The following PLEKHG2 variants were observed in gnomAD, a reference collection of about 807,000 sequenced individuals.
PLEKHG2 encodes pleckstrin homology and RhoGEF domain containing G2.
Under a neutral mutation model 104.4 loss-of-function variants are expected in PLEKHG2, and 71 were observed. The observed-to-expected ratio is 0.68, with a 90% confidence interval of 0.56 to 0.83. The LOEUF (loss-of-function observed/expected upper bound fraction) is 0.83. PLEKHG2 is among the 40% of genes least tolerant of loss of function. The probability of loss-of-function intolerance (pLI) is 0.00; values close to 1 mark genes in which losing one functional copy is unlikely to be tolerated. For synonymous variants in PLEKHG2, 728 were observed against 737.0 expected (o/e 0.99, Z 0.20); for missense variants, 1,730 against 1,809.4 (o/e 0.96, Z 0.80).
chr19:39,415,396 G>A lies in PLEKHG2; in HGVS notation c.436G>A (p.Gly146Ser). 3 of 1,614,152 alleles carry A rather than the reference G, an allele frequency of 1.9e-6. No individual in the cohort carries two copies. Among genetic ancestry groups the A allele is most frequent in the Non-Finnish European group, 2.5e-6 (3 of 1,180,020 alleles). Residue 146 changes from glycine (G) to serine (S), a missense_variant, in exon 4 of 19, where the codon GGC (glycine) becomes AGC (serine). Physicochemically the swap from Gly to Ser is moderately conservative, Grantham distance 56 (BLOSUM62 0). Transcript: ENST00000425673. This position sits in a 1 kb window ranked among gnomAD's most constrained non-coding sequence, Gnocchi z 4.6. ...GVLGLSVEQV[G>S]TLFANIEDIY... ...CCTGGGGCTGAGCGTGGAGCAGGTG[G>A]GCACGCTGTTTGCCAACATTGAGGA...
In PLEKHG2 at chr19:39,416,420, T is replaced by C. The variant is rs765580198; in HGVS notation, c.546+6T>C. 6 of 1,572,478 alleles carry C rather than the reference T, an allele frequency of 3.8e-6. No homozygotes were observed. Among genetic ancestry groups the C allele is most frequent in the Admixed American group, 1.8e-5 (1 of 56,772 alleles). ...CCGAGTGCTTCGTGCAGAGGGTGAG[T>C]GGAGGGGTGGGGGGCTCTCGGTCCT... is the stretch of plus-strand genomic sequence containing the variant. On this transcript the variant is annotated splice_donor_region_variant and intron_variant, in intron 5 of 18. Coordinates refer to ENST00000425673, the MANE Select transcript of PLEKHG2 (RefSeq NM_022835.3). The surrounding 1 kb of genome is among the most constrained non-coding windows in gnomAD (Gnocchi z 4.5).
At position 39,419,003 on chromosome 19, in the gene PLEKHG2, G is replaced by A; in HGVS notation, c.1263G>A (p.Lys421=). The change falls in exon 11 of 19, where the codon AAG becomes AAA. Residue 421 remains lysine, a splice_region_variant and synonymous_variant. Transcript: ENST00000425673. ...ACCACCCTGCCTCCATCCCTGCCAA[G>A]GTACAGCTCCTGCCGCAGCCGGGGG... The part of the protein sequence containing the change: ...FENHPASIPA[K]AKQVLLENSL... 1 of 1,609,152 alleles carries A rather than the reference G, an allele frequency of 6.2e-7. No individual in the cohort carries two copies. Among genetic ancestry groups the A allele is most frequent in the Non-Finnish European group, 8.5e-7 (1 of 1,178,818 alleles).
intron 17 of PLEKHG2, 127 bp from the exon 18 acceptor site, chr19:39,422,605 T>C (rs1364378630): frequency 8.3e-7 from 1 of 1,211,144 alleles, no homozygotes; most frequent in East Asian, 2.7e-5. Flanking sequence ...GCCAGGCTGG[T>C]CTCGAACTCG....
At position 39,423,037 on chromosome 19, in the gene PLEKHG2, C is replaced by T; in HGVS notation, c.1983C>T (p.Asp661=). The T allele has an allele frequency of 6.2e-6, 10 of 1,614,198 alleles. No homozygotes were observed. The highest frequency in any genetic ancestry group is 8.5e-6 in the Non-Finnish European group (10 of 1,180,022). ...GTTCTCGCCTTCCTAGTCTCTCTGA[C>T]ATTTCCGATGTTTTTGAGATGCCCT... ...PEGSRLPSLS[D]ISDVFEMPCL... Residue 661 remains aspartate (D), a synonymous_variant, in exon 18 of 19, where the codon GAC becomes GAT. Transcript: ENST00000425673.
chr19:39,422,675 C>T, intron 17 of PLEKHG2, 57 bp from the exon 18 acceptor site: 2 of 1,493,034 alleles, frequency 1.3e-6, no homozygotes, highest in South Asian at 2.9e-5. Flanking sequence ...AGGCGTGAGC[C>T]ACCACACCCA....
Position 39,428,318 on chromosome 19 carries a change from T to A in PLEKHG2, c.*3024T>A, listed in dbSNP as rs1568405492. 1 of 152,320 alleles carries A rather than the reference T, an allele frequency of 6.6e-6. No individual in the cohort carries two copies. The highest frequency in any genetic ancestry group is 1.5e-5 in the Non-Finnish European group (1 of 68,090). 9.4% of individuals were successfully genotyped at this position (152,320 alleles called of 1,614,324 possible). The stretch of plus-strand genomic sequence containing the variant: ...CCTTGCCCGCATGAGGCTTGTGGCC[T>A]GGTACTGTGCACACCTCAGGGGATT... On this transcript the variant is annotated 3_prime_UTR_variant, in exon 19 of 19. Transcript: ENST00000425673.
chr19:39,417,473 T>C (rs1305947383), intron 7 of PLEKHG2, 82 bp from the exon 8 acceptor site: 41 of 1,523,650 alleles, frequency 2.7e-5, no homozygotes, highest in Non-Finnish European at 3.6e-5. Flanking sequence ...TCTTTATATT[T>C]CTCCATCTCC....
chr19:39,425,912 G>C lies in PLEKHG2; in HGVS notation c.*618G>C, dbSNP rs2078776906. 1 of 152,718 alleles carries C rather than the reference G, an allele frequency of 6.5e-6. No individual in the cohort carries two copies. The highest frequency in any genetic ancestry group is 1.5e-5 in the Non-Finnish European group (1 of 68,518). 9.5% of individuals were successfully genotyped at this position (152,718 alleles called of 1,614,324 possible). A position where few individuals can be genotyped will look rare whatever the true frequency, so the allele number is the denominator to read the frequency against. On this transcript the variant is annotated 3_prime_UTR_variant, in exon 19 of 19. Coordinates refer to ENST00000425673, the MANE Select transcript of PLEKHG2 (RefSeq NM_022835.3). ...ATCTGCCTTGCTTATCCAACTGTCT[G>C]CCTTATTCACCCACCCATCCCTTTA...
rs2078651516 is a variant in PLEKHG2 at position 39,418,827 on chromosome 19, G to A, written c.1176+1G>A. 1 of 1,607,150 alleles carries A rather than the reference G, an allele frequency of 6.2e-7. No individual in the cohort carries two copies. The highest frequency in any genetic ancestry group is 8.5e-7 in the Non-Finnish European group (1 of 1,174,530). ...TCCCAAGCACAGACACCTGCTCCAG[G>A]TGAGCATGTAGTGGGATCAGGCTGG... On this transcript the variant is annotated splice_donor_variant, in intron 10 of 18. Transcript: ENST00000425673. LOFTEE classifies it high-confidence loss of function.
chr19:39,414,960 T>C (rs1435798581), intron 2 of PLEKHG2, 32 bp from the exon 3 acceptor site: 6 of 1,550,738 alleles, frequency 3.9e-6, no homozygotes, highest in Non-Finnish European at 5.2e-6. Flanking sequence ...CATGGGGAGA[T>C]TTCTCTGACC....
At position 39,414,165 on chromosome 19, in the gene PLEKHG2, G is replaced by T; in HGVS notation, c.79G>T (p.Asp27Tyr). The T allele has an allele frequency of 6.4e-7, 1 of 1,551,508 alleles. No individual in the cohort carries two copies. The highest frequency in any genetic ancestry group is 8.7e-7 in the Non-Finnish European group (1 of 1,146,878). Residue 27 changes from aspartate (D) to tyrosine (Y), a missense_variant, in exon 2 of 19, where the codon GAC becomes TAC. Coordinates refer to ENST00000425673, the MANE Select transcript of PLEKHG2 (RefSeq NM_022835.3). Reference protein sequence around the residue: ...LGCGRRGEVCDCGTVCETRTA... With the variant: ...LGCGRRGEVCYCGTVCETRTA... ...GTGTGGCCGAAGAGGTGAAGTGTGTGACTGTGGCACCGTGTGTGAGACTCG... is the reference window on the plus strand; with the variant it reads ...GTGTGGCCGAAGAGGTGAAGTGTGTTACTGTGGCACCGTGTGTGAGACTCG...
intron 2 of PLEKHG2, 37 bp downstream of exon 2, chr19:39,414,232 C>A (rs1185826146): frequency 6.5e-7 from 1 of 1,534,968 alleles, no homozygotes; most frequent in Non-Finnish European, 8.8e-7. Flanking sequence ...GCCTGTGGGG[C>A]TTTTATTCCT....
At position 39,424,477 on chromosome 19, in the gene PLEKHG2, A is replaced by G; in HGVS notation, c.3344A>G (p.His1115Arg). The G allele has an allele frequency of 3.1e-6, 5 of 1,614,044 alleles. No homozygotes were observed. The highest frequency in any genetic ancestry group is 4.2e-6 in the Non-Finnish European group (5 of 1,180,004). ...QIPGTSPLPA[H>R]GSHLDHRIPA... ...CCAGGTACCTCACCTTTGCCTGCACATGGAAGCCACCTGGACCATCGGATC... is the reference window on the plus strand; with the variant it reads ...CCAGGTACCTCACCTTTGCCTGCACGTGGAAGCCACCTGGACCATCGGATC... The change falls in exon 19 of 19, where the codon CAT becomes CGT. Residue 1115 changes from histidine (H) to arginine (R), a missense_variant. By Grantham distance (29) the His-to-Arg change is conservative. Transcript: ENST00000425673.
In PLEKHG2 at chr19:39,415,085, C is replaced by T. The variant is rs1253561246; in HGVS notation, c.203C>T (p.Pro68Leu). The change falls in exon 3 of 19, where the codon CCC becomes CTC. Residue 68 changes from proline to leucine, a missense_variant. Pro to Leu is a moderately conservative substitution (Grantham distance 98). Coordinates refer to ENST00000425673, the MANE Select transcript of PLEKHG2 (RefSeq NM_022835.3). This position sits in a 1 kb window ranked among gnomAD's most constrained non-coding sequence, Gnocchi z 4.6. Reference protein sequence around the residue: ...VGSEGDPAPGPTPACSASRPE... With the variant: ...VGSEGDPAPGLTPACSASRPE... ...TCTGAGGGGGATCCAGCCCCTGGGCCCACTCCAGCCTGCTCAGCCTCCAGG... is the reference window on the plus strand; with the variant it reads ...TCTGAGGGGGATCCAGCCCCTGGGCTCACTCCAGCCTGCTCAGCCTCCAGG... 1.3e-6 allele frequency: 2 copies of T among 1,591,906 alleles called. No individual in the cohort carries two copies. Among genetic ancestry groups the T allele is most frequent in the South Asian group, 1.1e-5 (1 of 87,948 alleles).
In PLEKHG2 at chr19:39,412,797, C is replaced by G. The variant is rs914957392; in HGVS notation, c.-638C>G. The G allele has an allele frequency of 6.6e-6, 1 of 152,196 alleles. No homozygotes were observed. The highest frequency in any genetic ancestry group is 2.4e-5 in the African/African-American group (1 of 41,446). The allele number at this position is 152,196 out of a possible 1,614,324, so 9.4% of individuals were successfully genotyped here. A position where few individuals can be genotyped will look rare whatever the true frequency, so the allele number is the denominator to read the frequency against. ...CTGAGAGACCCCGAGGTCCAGACCC[C>G]GGCGCCCAGGCTGGAGGACTTGAGC... is the stretch of plus-strand genomic sequence containing the variant. On this transcript the variant is annotated 5_prime_UTR_variant, in exon 1 of 19. Transcript: ENST00000425673.
At chr19:39,422,539 G>A (rs1462523165) in intron 17 of PLEKHG2, among the ~76,000 whole-genome samples, 193 bp from the exon 18 acceptor site, 2 of 151,742 alleles carry the variant, frequency 1.3e-5, no homozygotes, top group South Asian at 2.1e-4. Flanking sequence ...CAACACACCC[G>A]GCTAATTTTT....
chr19:39,422,261 G>T lies in PLEKHG2; in HGVS notation c.1650G>T (p.Leu550=). The change falls in exon 17 of 19, where the codon CTG becomes CTT. Residue 550 remains leucine (L), a synonymous_variant. Transcript: ENST00000425673. ...TCACTGAAGAAATCCTGGAACTGCT[G>T]AATCAGCGAGGCCTTCGAGATCCAG... is the stretch of plus-strand genomic sequence containing the variant. ...TSITEEILEL[L]NQRGLRDPGP... 1 of 1,613,086 alleles carries T rather than the reference G, an allele frequency of 6.2e-7. No individual in the cohort carries two copies.
rs1168225794 is a variant in PLEKHG2, at chr19:39,423,995, T to C, written c.2862T>C (p.Pro954=). 6.2e-7 allele frequency: 1 copy of C among 1,613,980 alleles called. No individual in the cohort carries two copies. Among genetic ancestry groups the C allele is most frequent in the African/African-American group, 1.3e-5 (1 of 74,912 alleles). The change falls in exon 19 of 19, where the codon CCT becomes CCC. Residue 954 remains proline (P), a synonymous_variant. Coordinates refer to ENST00000425673, the MANE Select transcript of PLEKHG2 (RefSeq NM_022835.3). ...ATGTCCAGGCTCCAGCCGCCACACC[T>C]TTGCCCAAGCAAGAAGGCCCCCTGC... The part of the protein sequence containing the change: ...SRHVQAPAAT[P]LPKQEGPLHL...
intron 9 of PLEKHG2, 99 bp from the exon 10 acceptor site, chr19:39,418,635 A>T: frequency 2.2e-6 from 2 of 905,740 alleles, no homozygotes; most frequent in Non-Finnish European, 3.4e-6. Context: ...GCATCTTCCT[A>T]GGGAGGAGGA....
Sources: allele counts gnomAD v4.1 joint callset (sites outside exome capture counted in the v4.1 genomes callset), GRCh38; gene constraint gnomAD v4.1.1; non-coding constraint Gnocchi (gnomAD v3.1); transcripts MANE v1.5; gene names NCBI Gene and HGNC (gene_info 2026-07-23, HGNC 2026-07-21).